The following AK5 variants were observed in gnomAD, a reference collection of about 807,000 sequenced individuals.
AK5 encodes adenylate kinase isoenzyme 5.
Under a neutral mutation model 69.5 loss-of-function variants are expected in AK5, and 27 were observed. The observed-to-expected ratio is 0.39, with a 90% confidence interval of 0.29 to 0.54. AK5 has a LOEUF of 0.54. Ranked by LOEUF, AK5 falls within the 20% of genes least tolerant of loss-of-function variation. The pLI is 0.71. For missense variants in AK5, 531 were observed against 700.4 expected, an observed-to-expected ratio of 0.76 and a Z score of 2.73; for synonymous variants, 260 against 244.4, an observed-to-expected ratio of 1.06 and a Z score of -0.60.
At chr1:77,381,448 T>C (rs930288704) in intron 6 of AK5, among the ~76,000 whole-genome samples, 2 of 152,186 alleles carry the variant, frequency 1.3e-5, no homozygotes, top group Admixed American at 1.3e-4. Context: ...CTTCAACAGA[T>C]ATTTAACACA....
At chr1:77,414,651 G>A (rs1378920607) in intron 7 of AK5, among the ~76,000 whole-genome samples, 3 of 152,096 alleles carry the variant, frequency 2.0e-5, no homozygotes, top group Non-Finnish European at 4.4e-5. Flanking sequence ...ACCTTTCTCT[G>A]TCATCTATAG....
intron 8 of AK5, among the ~76,000 whole-genome samples, chr1:77,452,872 T>A (rs1050982031): frequency 6.6e-6 from 1 of 152,272 alleles, no homozygotes; most frequent in Admixed American, 6.5e-5. Flanking sequence ...CCATTTATCT[T>A]CCTATGTTTC....
chr1:77,323,245 G>A (rs749480664), intron 5 of AK5, among the ~76,000 whole-genome samples: 31 of 152,110 alleles, frequency 2.0e-4, no homozygotes, highest in South Asian at 8.3e-4. Flanking sequence ...GCCTACCTTG[G>A]CCTCCCAAAG....
At chr1:77,386,113 A>G (rs1557549990) in intron 6 of AK5, among the ~76,000 whole-genome samples, 1 of 152,204 alleles carries the variant, frequency 6.6e-6, no homozygotes, top group African/African-American at 2.4e-5. Flanking sequence ...GCTTAGTATA[A>G]TAGTTGTGTT....
chr1:77,356,275 C>A (rs985648281), intron 6 of AK5, among the ~76,000 whole-genome samples: 1 of 152,198 alleles, frequency 6.6e-6, no homozygotes, highest in Admixed American at 6.6e-5. Context: ...GTATCTCAAT[C>A]TCCTAGAACA....
chr1:77,354,591 G>A (rs1016988231), intron 6 of AK5, among the ~76,000 whole-genome samples: 9 of 152,174 alleles, frequency 5.9e-5, no homozygotes, highest in Admixed American at 1.3e-4. Context: ...TACTACATCC[G>A]TTCATCCTAA....
At chr1:77,413,906 T>A (rs1650219745) in intron 7 of AK5, among the ~76,000 whole-genome samples, 3 of 152,272 alleles carry the variant, frequency 2.0e-5, no homozygotes, top group South Asian at 4.1e-4. Flanking sequence ...AACACCCAGA[T>A]CCCTCAAAGA....
At chr1:77,397,082 A>G (rs894499561) in intron 6 of AK5, among the ~76,000 whole-genome samples, 1 of 152,222 alleles carries the variant, frequency 6.6e-6, no homozygotes, top group Non-Finnish European at 1.5e-5. Flanking sequence ...AGATAACTGT[A>G]AGAAAAGGAC....
intron 8 of AK5, among the ~76,000 whole-genome samples, chr1:77,446,222 TGAAAA>T (rs1570146575): frequency 6.6e-6 from 1 of 152,180 alleles, no homozygotes; most frequent in Non-Finnish European, 1.5e-5. Context: ...GTGCCCTTGC[TGAAAA>T]TTGGTTGACC....
chr1:77,419,221 A>G (rs1184670735), intron 8 of AK5, among the ~76,000 whole-genome samples: 1 of 152,180 alleles, frequency 6.6e-6, no homozygotes, highest in Non-Finnish European at 1.5e-5. Context: ...CCTAACCTCC[A>G]AAGACAGGTC....
intron 5 of AK5, chr1:77,314,376 T>C (rs1660127066): frequency 6.8e-6 from 1 of 148,026 alleles, no homozygotes. Context: ...AATCAACTCA[T>C]ACTAAATGAA....
intron 10 of AK5, among the ~76,000 whole-genome samples, chr1:77,513,168 A>G (rs1657446460): frequency 6.6e-6 from 1 of 152,168 alleles, no homozygotes. Context: ...TCATGCTCCA[A>G]GTTCCATTAC....
chr1:77,456,597 G>A (rs1414902484), intron 8 of AK5, among the ~76,000 whole-genome samples: 2 of 152,212 alleles, frequency 1.3e-5, no homozygotes, highest in Admixed American at 6.5e-5. Flanking sequence ...GAACGAGGAT[G>A]GGCCTCAGTT....
chr1:77,436,166 T>C (rs899167511), intron 8 of AK5, among the ~76,000 whole-genome samples: 6 of 152,176 alleles, frequency 3.9e-5, no homozygotes, highest in Admixed American at 3.9e-4. Context: ...GGTTCCTTTC[T>C]GTCTTGTTTC....
intron 8 of AK5, among the ~76,000 whole-genome samples, chr1:77,457,608 C>G (rs1235521560): frequency 6.6e-6 from 1 of 152,036 alleles, no homozygotes; most frequent in Admixed American, 6.6e-5. Flanking sequence ...GGTGTAATAT[C>G]TTCTTGTATC....
At chr1:77,383,641 TC>T (rs986963013) in intron 6 of AK5, among the ~76,000 whole-genome samples, 5 of 152,208 alleles carry the variant, frequency 3.3e-5, no homozygotes, top group African/African-American at 1.2e-4. Context: ...CCAATATATT[TC>T]TTGTTTCTGA....
At chr1:77,451,939 C>T (rs926868805) in intron 8 of AK5, among the ~76,000 whole-genome samples, 5 of 152,064 alleles carry the variant, frequency 3.3e-5, no homozygotes, top group South Asian at 2.1e-4. Flanking sequence ...TATGTCTGCC[C>T]GCCAGATTGT....
At chr1:77,433,810 G>A (rs998125634) in intron 8 of AK5, among the ~76,000 whole-genome samples, 9 of 151,812 alleles carry the variant, frequency 5.9e-5, no homozygotes, top group Non-Finnish European at 1.3e-4. Context: ...TTAATTTCAT[G>A]TAATTAATTC....
intron 6 of AK5, among the ~76,000 whole-genome samples, chr1:77,375,472 G>C (rs1030847925): frequency 4.6e-5 from 7 of 152,122 alleles, no homozygotes; most frequent in African/African-American, 1.7e-4. Context: ...CAGCCTCAGA[G>C]CTGTACTTCC....
Sources: gnomAD v4.1 joint callset for allele counts (sites outside exome capture counted in the v4.1 genomes callset) on GRCh38, gnomAD v4.1.1 for gene constraint, MANE v1.5 for transcripts, NCBI Gene and HGNC (gene_info 2026-07-23, HGNC 2026-07-21) for gene names.